Variants in PMEL observed in about 807,000 individuals in gnomAD.
PMEL encodes premelanosome protein.
In PMEL, 53 loss-of-function variants were observed where a neutral mutation model predicts 64.9. The ratio of observed to expected loss-of-function variants is 0.82; its 90% CI spans 0.66 to 1.03. The LOEUF (loss-of-function observed/expected upper bound fraction) is 1.03, where lower values mean the gene tolerates loss of function less well. PMEL is among the 50% of genes least tolerant of loss of function. The pLI is 0.00. For missense variants in PMEL, 716 were observed against 814.9 expected (o/e 0.88, Z 1.48); for synonymous variants, 299 against 316.2 (o/e 0.95, Z 0.58).
chr12:55,961,047 C>CA (rs1287292890), intron 3 of PMEL, among the ~76,000 whole-genome samples: 8 of 149,822 alleles, frequency 5.3e-5, no homozygotes, highest in South Asian at 4.2e-4. Flanking sequence ...ACTAAAAATA[C>CA]AAAAAAAATT....
rs375450954 is a variant in PMEL at position 55,957,982 on chromosome 12, C to T, written c.572G>A (p.Arg191His). 2.0e-5 allele frequency: 32 copies of T among 1,614,108 alleles called. No individual in the cohort carries two copies. The highest frequency in any genetic ancestry group is 2.5e-5 in the Non-Finnish European group (30 of 1,180,046). The change falls in exon 5 of 11, where the codon CGC (arginine) becomes CAC (histidine). Residue 191 changes from arginine (R) to histidine (H), a missense_variant. Physicochemically the swap from Arg to His is conservative, Grantham distance 29. Transcript: ENST00000548747. ...THTMEVTVYH[R>H]RGSRSYVPLA... is the part of the protein sequence containing the mutation. ...AGGCACATAGCTCCGGGATCCCCGG[C>T]GATGGTAGACAGTCACTTCCATGGT...
intron 1 of PMEL, among the ~76,000 whole-genome samples, chr12:55,965,355 A>G (rs535858072): frequency 6.6e-6 from 1 of 152,120 alleles, no homozygotes; most frequent in African/African-American, 2.4e-5. Flanking sequence ...CTCCACTTCC[A>G]ACTCTCCTCA....
chr12:55,954,493 AC>A (rs1888765582), intron 10 of PMEL, 144 bp from the exon 11 acceptor site: 7 of 788,086 alleles, frequency 8.9e-6, no homozygotes, highest in Non-Finnish European at 1.4e-5. Context: ...TCCAGGGTTT[AC>A]CCTCTCTTAT....
At chr12:55,963,199 G>A (rs1288859607) in intron 1 of PMEL, among the ~76,000 whole-genome samples, 1 of 152,088 alleles carries the variant, frequency 6.6e-6, no homozygotes, top group Non-Finnish European at 1.5e-5. Context: ...TCAAATTTGT[G>A]TTTTAGAAAG....
chr12:55,954,898 C>T (rs971451016), intron 10 of PMEL, among the ~76,000 whole-genome samples: 41 of 151,842 alleles, frequency 2.7e-4, no homozygotes, highest in African/African-American at 9.4e-4. Context: ...GGGTGAAACT[C>T]CGTCTCAAAA....
chr12:55,957,794 C>T, intron 5 of PMEL, 123 bp from the exon 6 acceptor site: 5 of 1,508,988 alleles, frequency 3.3e-6, no homozygotes, highest in Non-Finnish European at 4.5e-6. Context: ...TCACATTTCT[C>T]TGCCTAGGTC....
intron 1 of PMEL, among the ~76,000 whole-genome samples, chr12:55,962,461 A>C (rs1290031437): frequency 6.8e-6 from 1 of 147,286 alleles, no homozygotes; most frequent in African/African-American, 2.5e-5. Context: ...AAAAAAAAAA[A>C]AAAAAAAAAA....
chr12:55,955,431 C>T (rs377344354), intron 9 of PMEL, 33 bp downstream of exon 9: 231 of 1,612,868 alleles, frequency 1.4e-4, no homozygotes, highest in Non-Finnish European at 1.9e-4. Flanking sequence ...TATCCACTCC[C>T]TTCCTCATCT....
At chr12:55,961,583 C>T (rs762891137) in intron 2 of PMEL, 39 bp downstream of exon 2, 3 of 1,595,794 alleles carry the variant, frequency 1.9e-6, no homozygotes, top group Non-Finnish European at 2.6e-6. Context: ...CCTCATCCCA[C>T]TCCCACCATG....
intron 5 of PMEL, 117 bp downstream of exon 5, chr12:55,957,806 T>C (rs1888949458): frequency 6.6e-7 from 1 of 1,509,048 alleles, no homozygotes; most frequent in Non-Finnish European, 9.0e-7. Flanking sequence ...GCCTAGGTCT[T>C]CCTGGCCCTT....
At position 55,956,224 on chromosome 12, in the gene PMEL, C is replaced by T; in HGVS notation, c.1355-5G>A. 1.3e-6 allele frequency: 2 copies of T among 1,590,412 alleles called. No homozygotes were observed. Among genetic ancestry groups the T allele is most frequent in the Non-Finnish European group, 1.7e-6 (2 of 1,158,716 alleles). ...CCAGCAGGGGGCCCAGGGAACCTGG[C>T]AGGAGAGGATCAAGGAGGCAAGATC... On this transcript the variant is annotated splice_polypyrimidine_tract_variant and splice_region_variant and intron_variant, in intron 6 of 10. Coordinates refer to ENST00000548747, the MANE Select transcript of PMEL (RefSeq NM_001384361.1).
chr12:55,963,093 G>A (rs1414039394), intron 1 of PMEL, among the ~76,000 whole-genome samples: 1 of 151,422 alleles, frequency 6.6e-6, no homozygotes, highest in African/African-American at 2.4e-5. Context: ...GGAGGCGGAG[G>A]TGGCAGTGAG....
At chr12:55,962,898 C>T (rs1382422027) in intron 1 of PMEL, among the ~76,000 whole-genome samples, 1 of 151,704 alleles carries the variant, frequency 6.6e-6, no homozygotes, top group Admixed American at 6.6e-5. Context: ...CATGGTGGCT[C>T]ACATCTGTAA....
intron 1 of PMEL, among the ~76,000 whole-genome samples, chr12:55,962,223 A>C (rs1592773797): frequency 6.6e-6 from 1 of 151,690 alleles, no homozygotes; most frequent in Admixed American, 6.6e-5. Context: ...AGGCGGGTGG[A>C]TCATGAGGTC....
At chr12:55,965,905 C>T in intron 1 of PMEL, 31 bp downstream of exon 1, 3 of 1,614,006 alleles carry the variant, frequency 1.9e-6, no homozygotes, top group Non-Finnish European at 2.5e-6. Flanking sequence ...CCCAAGTTCA[C>T]ACCTGCTCAT....
In PMEL at chr12:55,958,337, G is replaced by A. The variant is rs1410811888; in HGVS notation, c.469+136C>T. The A allele has an allele frequency of 4.1e-6, 4 of 969,418 alleles. No individual in the cohort carries two copies. The Admixed American group carries it at 7.8e-5, about 19-fold the overall frequency. The allele number at this position is 969,418 out of a possible 1,614,324, so 60.1% of individuals were successfully genotyped here. On this transcript the variant is annotated intron_variant, in intron 4 of 10. Transcript: ENST00000548747. Reference sequence around the variant, plus strand: ...GAAGGGGGCTAGGTGCTAAGAAAGAGAAAAGATCTAAGAGGAAAATGAAGA... The same window carrying A: ...GAAGGGGGCTAGGTGCTAAGAAAGAAAAAAGATCTAAGAGGAAAATGAAGA...
In PMEL at chr12:55,958,089, A is replaced by C; in HGVS notation, c.470-5T>G. 6.2e-7 allele frequency: 1 copy of C among 1,613,634 alleles called. No individual in the cohort carries two copies. ...CTAGAACTTGCCAGTATTGGCCTGAAGTTTTTGGAATGAAAAGCAAGGAAG... is the reference window on the plus strand; with the variant it reads ...CTAGAACTTGCCAGTATTGGCCTGACGTTTTTGGAATGAAAAGCAAGGAAG... On this transcript the variant is annotated splice_polypyrimidine_tract_variant and splice_region_variant and intron_variant, in intron 4 of 10. Transcript: ENST00000548747.
chr12:55,960,703 C>T lies in PMEL; in HGVS notation c.334+614G>A, dbSNP rs541655458. Among the ~76,000 whole-genome samples the T allele has an allele frequency of 5.3e-5, 8 of 149,844 alleles. No individual in the cohort carries two copies. In the South Asian group the frequency reaches 1.5e-3, roughly 28 times the overall value. ...GACTACATGCGCCTGCCACCACGCC[C>T]GGCTAATTTTTTGTATTTTTTTTTT... On this transcript the variant is annotated intron_variant, in intron 3 of 10. Transcript: ENST00000548747.
chr12:55,966,663 A>T (rs2069394), upstream of PMEL: 36 of 1,072,014 alleles, frequency 3.4e-5, 1 homozygote, highest in East Asian at 1.1e-3. Flanking sequence ...TCTAGCCCCC[A>T]AGAACCAAAC....
Sources: gnomAD v4.1 joint callset for allele counts (sites outside exome capture counted in the v4.1 genomes callset) on GRCh38, gnomAD v4.1.1 for gene constraint, MANE v1.5 for transcripts, NCBI Gene and HGNC (gene_info 2026-07-23, HGNC 2026-07-21) for gene names.